The following CTNNA3 variants were observed in gnomAD, a reference collection of about 807,000 sequenced individuals.
CTNNA3 encodes the protein catenin alpha 3, also known as catenin alpha-3.
Under a neutral mutation model 95.7 loss-of-function variants are expected in CTNNA3, and 76 were observed. The ratio of observed to expected loss-of-function variants is 0.79; its 90% CI spans 0.66 to 0.96. CTNNA3 has a LOEUF of 0.96. CTNNA3 is among the 40% of genes least tolerant of loss of function. The probability of loss-of-function intolerance (pLI) is 0.00; values close to 1 mark genes in which losing one functional copy is unlikely to be tolerated. For synonymous variants in CTNNA3, 431 were observed against 374.4 expected (o/e 1.15, Z -1.74); for missense variants, 1,191 against 1,089.8 (o/e 1.09, Z -1.31).
chr10:66,634,408 T>A (rs1053131377), intron 9 of CTNNA3, among the ~76,000 whole-genome samples: 4 of 152,122 alleles, frequency 2.6e-5, no homozygotes, highest in Non-Finnish European at 4.4e-5. Flanking sequence ...GATTGAGAAT[T>A]CACAGTAGGG....
At chr10:67,398,355 G>T (rs1198030948) in intron 5 of CTNNA3, among the ~76,000 whole-genome samples, 1 of 152,222 alleles carries the variant, frequency 6.6e-6, no homozygotes, top group African/African-American at 2.4e-5. Context: ...TTGGATCTTG[G>T]ACTTGCATGG....
intron 7 of CTNNA3, among the ~76,000 whole-genome samples, chr10:67,089,704 T>G (rs967472551): frequency 7.1e-5 from 10 of 141,680 alleles, no homozygotes; most frequent in African/African-American, 2.7e-4. Flanking sequence ...AGTATACATA[T>G]GTGTATATAC....
In CTNNA3 at chr10:66,437,232, C is replaced by T. The variant is rs368124608; in HGVS notation, c.1532-57880G>A. On this transcript the variant is annotated intron_variant, in intron 11 of 17. Transcript: ENST00000433211. ...TGTATTTCCTAAATTTGAATGTTGG[C>T]CTGCCTTGCTAGGTTGGGGAAGTTC... Among the ~76,000 whole-genome samples the T allele has an allele frequency of 1.6e-4, 24 of 152,208 alleles. No homozygotes were observed. The East Asian group carries it at 2.7e-3, about 17-fold the overall frequency.
intron 5 of CTNNA3, among the ~76,000 whole-genome samples, chr10:67,466,536 C>G (rs963210192): frequency 6.6e-6 from 1 of 152,126 alleles, no homozygotes; most frequent in African/African-American, 2.4e-5. Flanking sequence ...ACATATTTTT[C>G]TCCCTAGGAA....
chr10:66,415,403 G>T (rs1589218247), intron 11 of CTNNA3, among the ~76,000 whole-genome samples: 1 of 152,130 alleles, frequency 6.6e-6, no homozygotes, highest in Admixed American at 6.5e-5. Context: ...TACTTCCAAT[G>T]ACAGCATGCA....
At chr10:67,603,029 G>C (rs545004571) in intron 3 of CTNNA3, among the ~76,000 whole-genome samples, 2 of 152,130 alleles carry the variant, frequency 1.3e-5, no homozygotes, top group South Asian at 4.1e-4. Flanking sequence ...TACCTGCCAC[G>C]CTCAATAAAT....
At chr10:67,098,373 G>C (rs1564889295) in intron 7 of CTNNA3, 1 of 152,054 alleles carries the variant, frequency 6.6e-6, no homozygotes, top group Non-Finnish European at 1.5e-5. Context: ...TTATCTACTT[G>C]TTCCAGAAAT....
At chr10:67,433,575 G>A (rs1043873351) in intron 5 of CTNNA3, among the ~76,000 whole-genome samples, 4 of 151,946 alleles carry the variant, frequency 2.6e-5, no homozygotes, top group Admixed American at 2.6e-4. Flanking sequence ...ACAATAAAAC[G>A]AGGTATGCCT....
At chr10:67,499,920 T>A (rs911239733) in intron 5 of CTNNA3, among the ~76,000 whole-genome samples, 2 of 152,178 alleles carry the variant, frequency 1.3e-5, no homozygotes, top group African/African-American at 4.8e-5. Context: ...GTTTTTCATA[T>A]CTCTATCTCC....
intron 11 of CTNNA3, among the ~76,000 whole-genome samples, chr10:66,402,435 T>C (rs186785781): frequency 6.6e-6 from 1 of 152,324 alleles, no homozygotes; most frequent in African/African-American, 2.4e-5. Flanking sequence ...ATAAAAGTTG[T>C]TCAAATGAAC....
intron 10 of CTNNA3, among the ~76,000 whole-genome samples, chr10:66,590,117 T>C (rs1192028907): frequency 6.6e-6 from 1 of 152,102 alleles, no homozygotes; most frequent in Non-Finnish European, 1.5e-5. Flanking sequence ...AAATATCTGT[T>C]ATGTGTTTAA....
At chr10:67,483,915 A>C (rs946488105) in intron 5 of CTNNA3, among the ~76,000 whole-genome samples, 1 of 152,188 alleles carries the variant, frequency 6.6e-6, no homozygotes, top group African/African-American at 2.4e-5. Context: ...AGCAATCTAC[A>C]GATTCAACAA....
chr10:66,846,658 T>G (rs561648077), intron 7 of CTNNA3, among the ~76,000 whole-genome samples: 1 of 152,004 alleles, frequency 6.6e-6, no homozygotes, highest in South Asian at 2.1e-4. Flanking sequence ...AAAAAAGAAA[T>G]AAATTTGTTT....
Position 66,893,542 on chromosome 10 carries a change from C to CA in CTNNA3, c.1048-118019dup, listed in dbSNP as rs147367482. 7.0e-3 allele frequency among the ~76,000 whole-genome samples: 912 copies of CA among 131,220 alleles called. 1 individual carries two copies. The highest frequency in any genetic ancestry group is 8.9e-3 in the African/African-American group (326 of 36,518). The allele number at this position is 131,220 out of a possible 152,430, so 86.1% of individuals were successfully genotyped here. On this transcript the variant is annotated intron_variant, in intron 7 of 17. Coordinates refer to ENST00000433211, the MANE Select transcript of CTNNA3 (RefSeq NM_013266.4). ...GAGAATATTGTAAACAACAGAATTT[C>CA]AAAAAAAAAAAAACCCATTTAATTA...
At chr10:66,293,595 T>TAA (rs1452616096) in intron 12 of CTNNA3, among the ~76,000 whole-genome samples, 1 of 152,034 alleles carries the variant, frequency 6.6e-6, no homozygotes, top group Non-Finnish European at 1.5e-5. Context: ...TGATCTGCCT[T>TAA]AAAATTTCCT....
intron 7 of CTNNA3, among the ~76,000 whole-genome samples, chr10:66,933,073 T>C (rs1847498712): frequency 1.3e-5 from 2 of 152,186 alleles, no homozygotes. Flanking sequence ...CTTTGTAAAC[T>C]CTAAAATGGC....
At chr10:66,577,605 T>C (rs1477284435) in intron 10 of CTNNA3, among the ~76,000 whole-genome samples, 1 of 152,108 alleles carries the variant, frequency 6.6e-6, no homozygotes, top group Non-Finnish European at 1.5e-5. Context: ...TTGCTTGTTA[T>C]CGTCAACTCT....
At chr10:66,704,266 T>C (rs1426106544) in intron 9 of CTNNA3, among the ~76,000 whole-genome samples, 1 of 152,146 alleles carries the variant, frequency 6.6e-6, no homozygotes, top group Non-Finnish European at 1.5e-5. Flanking sequence ...CCATAGAACA[T>C]TTCAACTTCC....
intron 7 of CTNNA3, among the ~76,000 whole-genome samples, chr10:66,854,037 T>C (rs7907580): frequency 0.58 from 88,732 of 151,852 alleles, 27,003 homozygotes; most frequent in African/African-American, 0.64. Context: ...CACTTTTCTA[T>C]TCTCTTTCCA....
Sources: allele counts gnomAD v4.1 joint callset (sites outside exome capture counted in the v4.1 genomes callset), GRCh38; gene constraint gnomAD v4.1.1; transcripts MANE v1.5; gene names NCBI Gene and HGNC (gene_info 2026-07-23, HGNC 2026-07-21).